The following MSANTD2 variants were observed in gnomAD, a reference collection of about 807,000 sequenced individuals.
MSANTD2 encodes myb/SANT-like DNA-binding domain-containing protein 2.
A neutral mutation model predicts 52.6 loss-of-function variants in MSANTD2; 19 were observed. The observed-to-expected ratio is 0.36, with a 90% CI of 0.25 to 0.53. The LOEUF (loss-of-function observed/expected upper bound fraction) is 0.53, where lower values mean the gene tolerates loss of function less well. Ranked by LOEUF, MSANTD2 falls within the 20% of genes least tolerant of loss-of-function variation. MSANTD2 has a pLI of 0.91. For synonymous variants in MSANTD2, 291 were observed against 289.7 expected (o/e 1.00, Z -0.04); for missense variants, 558 against 716.3 (o/e 0.78, Z 2.52).
At chr11:124,795,936 TAAAC>T (rs1470512335) in intron 1 of MSANTD2, among the ~76,000 whole-genome samples, 2 of 152,154 alleles carry the variant, frequency 1.3e-5, no homozygotes, top group Non-Finnish European at 1.5e-5. Flanking sequence ...AACTTCAAGA[TAAAC>T]AATCTATGTA....
At chr11:124,789,649 C>T (rs912957704) in intron 1 of MSANTD2, 1 of 152,092 alleles carries the variant, frequency 6.6e-6, no homozygotes, top group Non-Finnish European at 1.5e-5. Context: ...AAAAGTATTT[C>T]CATTGGCTTT....
At position 124,799,926 on chromosome 11, in the gene MSANTD2, G is replaced by A; in HGVS notation, c.455C>T (p.Ala152Val). 6.3e-7 allele frequency: 1 copy of A among 1,585,618 alleles called. No individual in the cohort carries two copies. The highest frequency in any genetic ancestry group is 8.5e-7 in the Non-Finnish European group (1 of 1,174,200). Residue 152 changes from alanine to valine, a missense_variant, in exon 1 of 4, where the codon GCC becomes GTC. Transcript: ENST00000374979. The part of the protein sequence containing the change: ...GPAMYERVSR[A>V]LAELGYERTP... ...CCGCTCGTAGCCCAGCTCGGCCAGG[G>A]CCCGGGACACGCGCTCGTACATGGC...
chr11:124,790,143 A>G (rs1364309389), intron 1 of MSANTD2: 1 of 152,240 alleles, frequency 6.6e-6, no homozygotes, highest in Non-Finnish European at 1.5e-5. Flanking sequence ...TAGCTACATG[A>G]CACTTAACAT....
chr11:124,787,310 G>A (rs1945191552), intron 1 of MSANTD2, among the ~76,000 whole-genome samples: 2 of 152,212 alleles, frequency 1.3e-5, no homozygotes, highest in African/African-American at 2.4e-5. Flanking sequence ...CAGTGTCAGA[G>A]TCATGTTGAG....
At chr11:124,782,628 TG>T (rs1240859621) in intron 1 of MSANTD2, among the ~76,000 whole-genome samples, 2 of 152,196 alleles carry the variant, frequency 1.3e-5, no homozygotes, top group African/African-American at 2.4e-5. Flanking sequence ...GAAACTTTAA[TG>T]TTTCCTAAGA....
chr11:124,789,219 T>G (rs1945257323), intron 1 of MSANTD2: 1 of 152,226 alleles, frequency 6.6e-6, no homozygotes, highest in Non-Finnish European at 1.5e-5. Context: ...TATTTGCAAC[T>G]TAAAAAAATA....
chr11:124,793,324 A>T (rs1945390790), intron 1 of MSANTD2, among the ~76,000 whole-genome samples: 4 of 152,098 alleles, frequency 2.6e-5, no homozygotes, highest in Admixed American at 2.6e-4. Flanking sequence ...TTTATCGCCA[A>T]CTCTCATCAT....
chr11:124,782,562 G>C (rs548065484), intron 1 of MSANTD2, among the ~76,000 whole-genome samples: 1 of 152,310 alleles, frequency 6.6e-6, no homozygotes, highest in South Asian at 2.1e-4. Flanking sequence ...AAGGCCCAAA[G>C]ATAAGTATTC....
rs1183510723 is a variant in MSANTD2, at chr11:124,767,915, G to C, written c.941C>G (p.Ala314Gly). 6.2e-7 allele frequency: 1 copy of C among 1,614,146 alleles called. No individual in the cohort carries two copies. Residue 314 changes from alanine to glycine, a missense_variant, in exon 4 of 4, where the codon GCC becomes GGC. Physicochemically the swap from Ala to Gly is moderately conservative, Grantham distance 60. Coordinates refer to ENST00000374979, the MANE Select transcript of MSANTD2 (RefSeq NM_001308027.2). This position sits in a 1 kb window ranked among gnomAD's most constrained non-coding sequence, Gnocchi z 6.5. ...GGTGTTATAACCAATTCCAAAAATG[G>C]CCAGTTTATTAGAAAGATGGAGCCT... is the stretch of plus-strand genomic sequence containing the variant. ...FSRLHLSNKL[A>G]IFGIGYNTRW...
At chr11:124,782,302 T>A (rs1222666716) in intron 1 of MSANTD2, among the ~76,000 whole-genome samples, 1 of 138,208 alleles carries the variant, frequency 7.2e-6, no homozygotes, top group Non-Finnish European at 1.5e-5. Context: ...AAAAAAAAAA[T>A]TAGTCTGGGT....
In MSANTD2 at chr11:124,772,850, C is replaced by G. The variant is rs927679332; in HGVS notation, c.827+144G>C. 5 of 640,336 alleles carry G rather than the reference C, an allele frequency of 7.8e-6. No homozygotes were observed. In the Admixed American group the frequency reaches 1.4e-4, roughly 18 times the overall value. 39.7% of individuals were successfully genotyped at this position (640,336 alleles called of 1,614,324 possible). On this transcript the variant is annotated intron_variant, in intron 3 of 3. Transcript: ENST00000374979. The stretch of plus-strand genomic sequence containing the variant: ...CTTTCTAATAGCTTTAAGTGAGTCC[C>G]TGATTAAATCTAAAGAATGAATAGA...
Position 124,767,469 on chromosome 11 carries a change from A to T in MSANTD2, c.1387T>A (p.Leu463Ile), listed in dbSNP as rs1944342368. The T allele has an allele frequency of 1.9e-6, 3 of 1,614,046 alleles. No homozygotes were observed. Among genetic ancestry groups the T allele is most frequent in the Admixed American group, 3.3e-5 (2 of 59,998 alleles). The change falls in exon 4 of 4, where the codon TTA (leucine) becomes ATA (isoleucine). Residue 463 changes from leucine to isoleucine, a missense_variant. Coordinates refer to ENST00000374979, the MANE Select transcript of MSANTD2 (RefSeq NM_001308027.2). This position sits in a 1 kb window ranked among gnomAD's most constrained non-coding sequence, Gnocchi z 6.5. Reference protein sequence around the residue: ...DLETLSAQASLQVEIEPTRII... With the variant: ...DLETLSAQASIQVEIEPTRII... The stretch of plus-strand genomic sequence containing the variant: ...CGGGTGGGTTCTATTTCCACCTGTA[A>T]TGAGGCTTGTGCTGAAAGGGTTTCC...
chr11:124,771,969 C>A (rs1944540533), intron 3 of MSANTD2, among the ~76,000 whole-genome samples: 1 of 152,138 alleles, frequency 6.6e-6, no homozygotes, highest in Admixed American at 6.5e-5. Flanking sequence ...AGTATATTCT[C>A]CTCAGTAATT....
intron 1 of MSANTD2, chr11:124,775,721 T>C (rs1001652799): frequency 6.6e-6 from 1 of 152,274 alleles, no homozygotes; most frequent in African/African-American, 2.4e-5. Context: ...CAGTGATTTC[T>C]TTCTGGGGAA....
At chr11:124,791,062 A>G in intron 1 of MSANTD2, 1 of 531,724 alleles carries the variant, frequency 1.9e-6, no homozygotes, top group Non-Finnish European at 3.4e-6. Context: ...TCTAAACACA[A>G]GTAGGAGATG....
At chr11:124,776,528 C>T (rs1024113032) in intron 1 of MSANTD2, among the ~76,000 whole-genome samples, 21 of 152,228 alleles carry the variant, frequency 1.4e-4, no homozygotes, top group African/African-American at 4.3e-4. Context: ...AACTCCCGAC[C>T]TCAGGTGATC....
At chr11:124,768,967 G>A (rs1036217952) in intron 3 of MSANTD2, among the ~76,000 whole-genome samples, 22 of 152,160 alleles carry the variant, frequency 1.4e-4, no homozygotes, top group South Asian at 8.3e-4. Flanking sequence ...AGATTGGTTC[G>A]TTAAATATTA....
Position 124,767,468 on chromosome 11 carries a change from AAT to A in MSANTD2, c.1386_1387del (p.Leu463ThrfsTer18). The stretch of plus-strand genomic sequence containing the variant: ...TCGGGTGGGTTCTATTTCCACCTGT[AAT>A]GAGGCTTGTGCTGAAAGGGTTTCCA... On this transcript the variant is annotated frameshift_variant, in exon 4 of 4. Transcript: ENST00000374979. LOFTEE classifies it high-confidence loss of function. The surrounding 1 kb of genome is among the most constrained non-coding windows in gnomAD (Gnocchi z 6.5). 1 of 1,614,204 alleles carries A rather than the reference AAT, an allele frequency of 6.2e-7. No individual in the cohort carries two copies. The highest frequency in any genetic ancestry group is 8.5e-7 in the Non-Finnish European group (1 of 1,180,044).
chr11:124,789,250 A>G (rs950989622), intron 1 of MSANTD2: 6 of 152,228 alleles, frequency 3.9e-5, no homozygotes, highest in African/African-American at 7.2e-5. Flanking sequence ...TTTTGGGTAG[A>G]TATGAACTTT....
Sources: gnomAD v4.1 joint callset for allele counts (sites outside exome capture counted in the v4.1 genomes callset) on GRCh38, gnomAD v4.1.1 for gene constraint, Gnocchi (gnomAD v3.1) non-coding constraint, MANE v1.5 for transcripts, NCBI Gene and HGNC (gene_info 2026-07-23, HGNC 2026-07-21) for gene names.